Variants in RAB3IP observed in about 807,000 individuals in gnomAD.
RAB3IP encodes the protein rab-3A-interacting protein.
A neutral mutation model predicts 59.1 loss-of-function variants in RAB3IP; 36 were observed. The ratio of observed to expected loss-of-function variants is 0.61; its 90% CI spans 0.47 to 0.80. The LOEUF (loss-of-function observed/expected upper bound fraction) is 0.80. RAB3IP is among the 30% of genes least tolerant of loss of function. The pLI is 0.00. For synonymous variants in RAB3IP, 207 were observed against 191.2 expected, an observed-to-expected ratio of 1.08 and a Z score of -0.68; for missense variants, 511 against 536.0, an observed-to-expected ratio of 0.95 and a Z score of 0.46.
At chr12:69,770,264 G>A (rs924344917) in intron 3 of RAB3IP, among the ~76,000 whole-genome samples, 1 of 152,126 alleles carries the variant, frequency 6.6e-6, no homozygotes, top group African/African-American at 2.4e-5. Context: ...TCCACTGGGG[G>A]TTTTGTTCCA....
At chr12:69,749,243 G>A (rs1427268701) in intron 1 of RAB3IP, among the ~76,000 whole-genome samples, 3 of 152,170 alleles carry the variant, frequency 2.0e-5, no homozygotes, top group East Asian at 1.9e-4. Flanking sequence ...ATAGGAGTGC[G>A]AACCGTATTG....
intron 5 of RAB3IP, among the ~76,000 whole-genome samples, 195 bp from the exon 6 acceptor site, chr12:69,794,943 CGTT>C (rs1470000230): frequency 1.3e-5 from 2 of 152,018 alleles, no homozygotes; most frequent in South Asian, 2.1e-4. Flanking sequence ...GCTCATTTGA[CGTT>C]GTTAATAATA....
chr12:69,763,198 G>T (rs1322268846), intron 3 of RAB3IP, among the ~76,000 whole-genome samples: 1 of 152,152 alleles, frequency 6.6e-6, no homozygotes, highest in African/African-American at 2.4e-5. Context: ...GGATTGCAAG[G>T]TGTATGCCTA....
intron 4 of RAB3IP, 106 bp downstream of exon 4, chr12:69,784,921 A>G (rs2136205189): frequency 3.4e-6 from 2 of 593,354 alleles, no homozygotes; most frequent in East Asian, 6.3e-5. Context: ...CTTCATGTAT[A>G]TTTATAAGTC....
At chr12:69,808,948 T>A (rs1210859361) in intron 8 of RAB3IP, among the ~76,000 whole-genome samples, 12 of 151,964 alleles carry the variant, frequency 7.9e-5, no homozygotes, top group African/African-American at 2.9e-4. Context: ...CATTATGATG[T>A]TAGCTGGTTA....
intron 8 of RAB3IP, among the ~76,000 whole-genome samples, chr12:69,804,374 C>T (rs1444927738): frequency 1.3e-5 from 2 of 152,062 alleles, no homozygotes; most frequent in Non-Finnish European, 1.5e-5. Context: ...TGTTTGAGTT[C>T]ATTGTAGATT....
intron 8 of RAB3IP, among the ~76,000 whole-genome samples, chr12:69,808,896 T>C (rs1253672573): frequency 6.6e-6 from 1 of 152,138 alleles, no homozygotes; most frequent in Non-Finnish European, 1.5e-5. Context: ...TTAGCCCATT[T>C]ACATTTAAGG....
In RAB3IP at chr12:69,800,151, C is replaced by T. The variant is rs74101334; in HGVS notation, c.889-58C>T. ...TTAAATTAGTTTTGGTTTTGTAAAG[C>T]GGTTTTTATGTTTATACGTTTTAAA... On this transcript the variant is annotated intron_variant, in intron 6 of 10. Coordinates refer to ENST00000247833, the MANE Select transcript of RAB3IP (RefSeq NM_022456.5). The T allele has an allele frequency of 4.3e-3, 5,741 of 1,346,146 alleles. 204 individuals are homozygous for T. The African/African-American group carries it at 0.075, about 18-fold the overall frequency. 83.4% of individuals were successfully genotyped at this position (1,346,146 alleles called of 1,614,324 possible).
rs780572371 is a variant in RAB3IP, at chr12:69,813,028, A to T, written c.1295A>T (p.Gln432Leu). 6.2e-7 allele frequency: 1 copy of T among 1,609,368 alleles called. No individual in the cohort carries two copies. The highest frequency in any genetic ancestry group is 1.1e-5 in the South Asian group (1 of 90,364). The change falls in exon 10 of 11, where the codon CAG becomes CTG. Residue 432 changes from glutamine to leucine, a missense_variant. Coordinates refer to ENST00000247833, the MANE Select transcript of RAB3IP (RefSeq NM_022456.5). The part of the protein sequence containing the change: ...RYIQQGLVKQ[Q>L]DVDQMFWEVM... ...ATTCAGCAGGGACTCGTGAAACAGCAGGATGGTGAGTGTTCTTGATTCAAT... is the reference window on the plus strand; with the variant it reads ...ATTCAGCAGGGACTCGTGAAACAGCTGGATGGTGAGTGTTCTTGATTCAAT...
rs1480588131 is a variant in RAB3IP, at chr12:69,744,919, G to GA, written c.-26+5891dup. Among the ~76,000 whole-genome samples the GA allele has an allele frequency of 2.6e-5, 4 of 152,032 alleles. No individual in the cohort carries two copies. In the South Asian group the frequency reaches 8.3e-4, roughly 32 times the overall value. On this transcript the variant is annotated intron_variant, in intron 1 of 10. Coordinates refer to ENST00000247833, the MANE Select transcript of RAB3IP (RefSeq NM_022456.5). The stretch of plus-strand genomic sequence containing the variant: ...GGGAAGCCAACTTTAAAATTATTAT[G>GA]AAAGCTAATGAAAAAATGATTTTAT...
chr12:69,740,066 G>T (rs1282453972), intron 1 of RAB3IP, among the ~76,000 whole-genome samples: 1 of 152,112 alleles, frequency 6.6e-6, no homozygotes, highest in Non-Finnish European at 1.5e-5. Flanking sequence ...TGGAGGAGGG[G>T]CCCATAAGAG....
intron 3 of RAB3IP, among the ~76,000 whole-genome samples, chr12:69,769,915 A>G (rs1336043669): frequency 1.3e-5 from 2 of 152,166 alleles, no homozygotes; most frequent in Non-Finnish European, 2.9e-5. Flanking sequence ...AACTTGTCAT[A>G]GCTGTGTTAT....
intron 7 of RAB3IP, among the ~76,000 whole-genome samples, chr12:69,801,278 G>C (rs1878331139): frequency 6.6e-6 from 1 of 152,162 alleles, no homozygotes; most frequent in African/African-American, 2.4e-5. Context: ...ATATTTAGCA[G>C]AATAAAGCTT....
At chr12:69,763,955 C>G (rs1162927578) in intron 3 of RAB3IP, among the ~76,000 whole-genome samples, 1 of 152,140 alleles carries the variant, frequency 6.6e-6, no homozygotes, top group African/African-American at 2.4e-5. Flanking sequence ...TTTTTAATGG[C>G]TATATAATAT....
intron 1 of RAB3IP, among the ~76,000 whole-genome samples, chr12:69,753,694 CA>C (rs1455476209): frequency 6.6e-6 from 1 of 151,990 alleles, no homozygotes; most frequent in African/African-American, 2.4e-5. Flanking sequence ...TCACAACTGT[CA>C]AAGTACTATC....
chr12:69,748,107 T>G (rs1182942357), intron 1 of RAB3IP, among the ~76,000 whole-genome samples: 1 of 151,968 alleles, frequency 6.6e-6, no homozygotes, highest in Non-Finnish European at 1.5e-5. Flanking sequence ...AATTCTATGT[T>G]TCCCATTTGT....
intron 3 of RAB3IP, among the ~76,000 whole-genome samples, chr12:69,766,139 G>A (rs959268842): frequency 6.6e-5 from 10 of 152,162 alleles, no homozygotes; most frequent in Non-Finnish European, 8.8e-5. Flanking sequence ...GTCCTGTGAC[G>A]ATCTTCATTT....
At chr12:69,764,822 G>A (rs1457333722) in intron 3 of RAB3IP, among the ~76,000 whole-genome samples, 4 of 151,880 alleles carry the variant, frequency 2.6e-5, no homozygotes, top group Non-Finnish European at 5.9e-5. Context: ...ATGATTTAAC[G>A]GTATTTTATA....
At chr12:69,747,325 TGTGTGTGAGA>T (rs1320927237) in intron 1 of RAB3IP, among the ~76,000 whole-genome samples, 44 of 147,842 alleles carry the variant, frequency 3.0e-4, no homozygotes, top group Admixed American at 8.8e-4. Flanking sequence ...TGTGTGTGTG[TGTGTGTGAGA>T]GAGAGAGAGA....
Sources: gnomAD v4.1 joint callset for allele counts (sites outside exome capture counted in the v4.1 genomes callset) on GRCh38, gnomAD v4.1.1 for gene constraint, MANE v1.5 for transcripts, NCBI Gene and HGNC (gene_info 2026-07-23, HGNC 2026-07-21) for gene names.